ZNF514: variants seen among roughly 807,000 people sequenced by gnomAD.
ZNF514 encodes the protein zinc finger protein 514.
Under a neutral mutation model 9.7 loss-of-function variants are expected in ZNF514, and 12 were observed. The observed-to-expected ratio is 1.24, with a 90% confidence interval of 0.79 to 2.01. The LOEUF (loss-of-function observed/expected upper bound fraction) is 2.01. Among genes scored for constraint, ZNF514 ranks in the 30% most tolerant of loss-of-function variants. The probability of loss-of-function intolerance (pLI) is 0.00; values close to 1 mark genes in which losing one functional copy is unlikely to be tolerated. For synonymous variants in ZNF514, 158 were observed against 163.7 expected, an observed-to-expected ratio of 0.97 and a Z score of 0.27; for missense variants, 467 against 465.5, an observed-to-expected ratio of 1.00 and a Z score of -0.03.
chr2:95,128,660 G>A, the ZNF514 span, among the ~76,000 whole-genome samples: 3 of 150,576 alleles, frequency 2.0e-5, no homozygotes, highest in Non-Finnish European at 3.0e-5. Flanking sequence ...GGAGGAGGAG[G>A]AATAAGGAAG....
chr2:95,125,228 CTTTT>C, the ZNF514 span, among the ~76,000 whole-genome samples: 2 of 125,134 alleles, frequency 1.6e-5, no homozygotes, highest in African/African-American at 3.0e-5. Flanking sequence ...AATTGCCATC[CTTTT>C]TTTTTTTTTT....
rs1043951222 is a variant in ZNF514, at chr2:95,153,279, C to A, written c.-6-20G>T. 8 of 1,611,588 alleles carry A rather than the reference C, an allele frequency of 5.0e-6. No homozygotes were observed. The highest frequency in any genetic ancestry group is 3.3e-5 in the Admixed American group (2 of 59,856). On this transcript the variant is annotated intron_variant, in intron 2 of 4. Coordinates refer to ENST00000295208, the MANE Select transcript of ZNF514 (RefSeq NM_032788.3). The stretch of plus-strand genomic sequence containing the variant: ...CAGGTCCTGAAACACAGAAGACACT[C>A]CAGTGTCCACTTATATGCTTATCAA...
At chr2:95,133,946 C>G in the ZNF514 span, among the ~76,000 whole-genome samples, 1 of 152,102 alleles carries the variant, frequency 6.6e-6, no homozygotes, top group Admixed American at 6.6e-5. Context: ...ATTAGGAAAA[C>G]TAGGTGAAGG....
intron 1 of ZNF514, 97 bp downstream of exon 1, chr2:95,159,143 G>C: frequency 1.4e-6 from 1 of 706,644 alleles, no homozygotes; most frequent in Non-Finnish European, 1.9e-6. Flanking sequence ...CAGCGGACCT[G>C]CAGGGCCCAG....
At chr2:95,134,338 C>T in the ZNF514 span, among the ~76,000 whole-genome samples, 1 of 152,150 alleles carries the variant, frequency 6.6e-6, no homozygotes, top group Non-Finnish European at 1.5e-5. Flanking sequence ...TTTAAGGCCT[C>T]CCTCCCAGGT....
the ZNF514 span, among the ~76,000 whole-genome samples, chr2:95,139,705 T>C: frequency 3.9e-5 from 6 of 152,204 alleles, no homozygotes; most frequent in Non-Finnish European, 5.9e-5. Context: ...GTTAAGACTT[T>C]GGAAAACTAT....
Position 95,149,622 on chromosome 2 carries a change from T to C in ZNF514, c.863A>G (p.Tyr288Cys), listed in dbSNP as rs1558700015. The change falls in exon 5 of 5, where the codon TAC becomes TGC. Residue 288 changes from tyrosine (Y) to cysteine (C), a missense_variant. Physicochemically the swap from Tyr to Cys is radical, Grantham distance 194. Coordinates refer to ENST00000295208, the MANE Select transcript of ZNF514 (RefSeq NM_032788.3). The part of the protein sequence containing the change: ...HYRFHTGEKP[Y>C]KCNECGRAFG... ...GGCTCGTCCACATTCATTACATTTG[T>C]AGGGTTTCTCTCCAGTGTGAAATCT... 1 of 1,614,210 alleles carries C rather than the reference T, an allele frequency of 6.2e-7. No homozygotes were observed. The highest frequency in any genetic ancestry group is 8.5e-7 in the Non-Finnish European group (1 of 1,180,034).
rs771418603 is a variant in ZNF514 at position 95,159,017 on chromosome 2, G to A, written c.-96+223C>T. 31 of 1,264,442 alleles carry A rather than the reference G, an allele frequency of 2.5e-5. No individual in the cohort carries two copies. The South Asian group carries it at 3.7e-4, about 15-fold the overall frequency. 78.3% of individuals were successfully genotyped at this position (1,264,442 alleles called of 1,614,324 possible). A position where few individuals can be genotyped will look rare whatever the true frequency, so the allele number is the denominator to read the frequency against. On this transcript the variant is annotated intron_variant, in intron 1 of 4. Transcript: ENST00000295208. ...CTAAGGAGCGGCGTCCTTTCACTAGGTCCAAATCTCTGTCTTTCGGCCACA... is the reference window on the plus strand; with the variant it reads ...CTAAGGAGCGGCGTCCTTTCACTAGATCCAAATCTCTGTCTTTCGGCCACA...
the ZNF514 span, among the ~76,000 whole-genome samples, chr2:95,138,135 A>G: frequency 3.3e-5 from 5 of 152,358 alleles, no homozygotes; most frequent in East Asian, 7.7e-4. Flanking sequence ...TCTTTTCCTT[A>G]CAAATTACTC....
intron 1 of ZNF514, chr2:95,158,929 A>T (rs1337145067): frequency 7.1e-5 from 92 of 1,289,610 alleles, no homozygotes; most frequent in Non-Finnish European, 9.1e-5. Flanking sequence ...GCTCCCCAAG[A>T]GGGCTCCTGG....
rs186672650 is a variant in ZNF514 at position 95,145,623 on chromosome 2, C to T, written c.*3659G>A. The stretch of plus-strand genomic sequence containing the variant: ...AGAAAATCTTTGAATCCACCTATAA[C>T]CCAGAAGGCCCTCCCTCTGTCCCTG... On this transcript the variant is annotated 3_prime_UTR_variant, in exon 5 of 5. Transcript: ENST00000295208. Among the ~76,000 whole-genome samples the T allele has an allele frequency of 5.6e-4, 86 of 152,256 alleles. 1 individual carries two copies. The Middle Eastern group carries it at 0.014, about 24-fold the overall frequency.
downstream of ZNF514, among the ~76,000 whole-genome samples, chr2:95,143,908 CCTAA>C (rs1254677910): frequency 1.3e-5 from 2 of 152,172 alleles, no homozygotes; most frequent in African/African-American, 2.4e-5. Context: ...GGGGAGTTTA[CCTAA>C]CTAGTTTGTT....
In ZNF514 at chr2:95,152,732, C is replaced by T; in HGVS notation, c.159G>A (p.Leu53=). ...CCATGAAGGGCTCACCCCCTTCCTCCAACTGGCAGATCACATATGGTTTGG... is the reference window on the plus strand; with the variant it reads ...CCATGAAGGGCTCACCCCCTTCCTCTAACTGGCAGATCACATATGGTTTGG... ...LVSKPYVICQ[L]EEGGEPFMVE... Residue 53 remains leucine (L), a synonymous_variant, in exon 4 of 5, where the codon TTG becomes TTA. Transcript: ENST00000295208. The T allele has an allele frequency of 1.2e-6, 2 of 1,614,166 alleles. No homozygotes were observed. The highest frequency in any genetic ancestry group is 1.7e-6 in the Non-Finnish European group (2 of 1,180,032).
downstream of ZNF514, among the ~76,000 whole-genome samples, chr2:95,140,698 G>A (rs563762569): frequency 1.1e-4 from 16 of 151,752 alleles, no homozygotes; most frequent in Non-Finnish European, 1.5e-4. Context: ...CAATGGAGCC[G>A]GGTGCAGTGG....
chr2:95,158,949 C>T, intron 1 of ZNF514: 1 of 1,289,604 alleles, frequency 7.8e-7, no homozygotes, highest in South Asian at 1.2e-5. Flanking sequence ...GCCCTCTGCA[C>T]GCTCCAGAGC....
chr2:95,127,564 GTTTTGT>G, the ZNF514 span, among the ~76,000 whole-genome samples: 1,522 of 150,632 alleles, frequency 0.01, 11 homozygotes, highest in Non-Finnish European at 0.016. Flanking sequence ...TTTTTTGGTT[GTTTTGT>G]TTTTGTTTTT....
At position 95,149,168 on chromosome 2, in the gene ZNF514, C is replaced by T; in HGVS notation, c.*114G>A. The T allele has an allele frequency of 8.6e-6, 11 of 1,286,414 alleles. No individual in the cohort carries two copies. The South Asian group carries it at 1.6e-4, about 19-fold the overall frequency. The allele number at this position is 1,286,414 out of a possible 1,614,324, so 79.7% of individuals were successfully genotyped here. ...TTAGTAATTATTGCCTGATGTGGAA[C>T]AAGATGTGGTCTTCCCACATACATT... is the stretch of plus-strand genomic sequence containing the variant. On this transcript the variant is annotated 3_prime_UTR_variant, in exon 5 of 5. Coordinates refer to ENST00000295208, the MANE Select transcript of ZNF514 (RefSeq NM_032788.3).
chr2:95,131,595 C>G, the ZNF514 span, among the ~76,000 whole-genome samples: 1 of 152,170 alleles, frequency 6.6e-6, no homozygotes, highest in South Asian at 2.1e-4. Context: ...CCCCAAACCC[C>G]AGAGCTGGAA....
At chr2:95,153,010 A>T (rs1169158168) in intron 3 of ZNF514, 123 bp downstream of exon 3, 2 of 1,314,120 alleles carry the variant, frequency 1.5e-6, no homozygotes, top group Non-Finnish European at 2.1e-6. Context: ...TAAATGTCTG[A>T]TTCCAGACTT....
Sources: allele counts gnomAD v4.1 joint callset (sites outside exome capture counted in the v4.1 genomes callset), GRCh38; gene constraint gnomAD v4.1.1; transcripts MANE v1.5; gene names NCBI Gene and HGNC (gene_info 2026-07-23, HGNC 2026-07-21).